CNTNAP5: variants seen among roughly 807,000 people sequenced by gnomAD.
CNTNAP5 encodes contactin-associated protein-like 5.
Under a neutral mutation model 150.2 loss-of-function variants are expected in CNTNAP5, and 72 were observed. That is an observed-to-expected ratio of 0.48 (90% CI 0.40 to 0.58). CNTNAP5 has a LOEUF of 0.58. Ranked by LOEUF, CNTNAP5 falls within the 20% of genes least tolerant of loss-of-function variation. The pLI is 0.00. For synonymous variants in CNTNAP5, 672 were observed against 619.8 expected (o/e 1.08, Z -1.25); for missense variants, 1,636 against 1,626.2 (o/e 1.01, Z -0.10).
chr2:124,411,297 G>C (rs1691755881), intron 3 of CNTNAP5, among the ~76,000 whole-genome samples: 1 of 152,086 alleles, frequency 6.6e-6, no homozygotes, highest in African/African-American at 2.4e-5. Flanking sequence ...TCTATCAGAG[G>C]TACAAGGAGG....
chr2:124,358,450 T>A (rs1264391720), intron 3 of CNTNAP5, among the ~76,000 whole-genome samples: 5 of 152,226 alleles, frequency 3.3e-5, no homozygotes, highest in Non-Finnish European at 5.9e-5. Context: ...GTGTCATAGA[T>A]AGCTCTTATT....
chr2:124,787,722 C>A (rs1681630325), intron 17 of CNTNAP5, among the ~76,000 whole-genome samples: 1 of 152,026 alleles, frequency 6.6e-6, no homozygotes, highest in Admixed American at 6.5e-5. Context: ...TTGGGCCAGT[C>A]TGACTAATGC....
At position 124,800,238 on chromosome 2, in the gene CNTNAP5, G is replaced by T. The variant is rs796453857; in HGVS notation, c.3217+1918G>T. On this transcript the variant is annotated intron_variant, in intron 19 of 23. Coordinates refer to ENST00000682447, the MANE Select transcript of CNTNAP5 (RefSeq NM_001367498.1). The stretch of plus-strand genomic sequence containing the variant: ...AGATGGTTGGTTACAACCAATGCGA[G>T]ATTTTTTCCAAAGCATCTTTTGGGT... Among the ~76,000 whole-genome samples, 103 of 152,308 alleles carry T rather than the reference G, an allele frequency of 6.8e-4. 1 individual carries two copies. Among genetic ancestry groups the T allele is most frequent in the African/African-American group, 2.4e-3 (100 of 41,578 alleles).
chr2:124,764,095 A>G lies in CNTNAP5; in HGVS notation c.2481A>G (p.Gly827=), dbSNP rs765966469. ...TTTTTAAAACCACAGCATTATCCGG[A>G]GTTTTCCTAGAAAATCTTGGCATTA... ...SFFFKTTALS[G]VFLENLGIKD... Residue 827 remains glycine, a synonymous_variant, in exon 16 of 24, where the codon GGA becomes GGG. Transcript: ENST00000682447. 15 of 1,613,002 alleles carry G rather than the reference A, an allele frequency of 9.3e-6. No homozygotes were observed. The South Asian group carries it at 1.4e-4, about 15-fold the overall frequency.
At chr2:124,883,880 A>G (rs1423958796) in intron 21 of CNTNAP5, among the ~76,000 whole-genome samples, 1 of 152,120 alleles carries the variant, frequency 6.6e-6, no homozygotes. Flanking sequence ...GTGTATATAC[A>G]TATGTCTGTG....
intron 3 of CNTNAP5, among the ~76,000 whole-genome samples, chr2:124,378,396 C>T (rs924318838): frequency 2.0e-5 from 3 of 152,030 alleles, no homozygotes; most frequent in Non-Finnish European, 4.4e-5. Context: ...ATTATGAAGG[C>T]GACCATTTTT....
At chr2:124,350,468 T>A (rs2104701676) in intron 3 of CNTNAP5, among the ~76,000 whole-genome samples, 1 of 151,476 alleles carries the variant, frequency 6.6e-6, no homozygotes, top group South Asian at 2.1e-4. Flanking sequence ...TTTTTTTTAA[T>A]CCTTCATTTT....
chr2:124,679,576 T>C (rs981036414), intron 13 of CNTNAP5, among the ~76,000 whole-genome samples: 1 of 151,712 alleles, frequency 6.6e-6, no homozygotes, highest in East Asian at 1.9e-4. Context: ...CATATCTTTT[T>C]TTTTTTTGGA....
chr2:124,332,271 A>C (rs1017584539), intron 3 of CNTNAP5, among the ~76,000 whole-genome samples: 2 of 151,316 alleles, frequency 1.3e-5, no homozygotes, highest in Non-Finnish European at 3.0e-5. Context: ...ATTTAAAATA[A>C]TTTTTCTCAC....
chr2:124,054,145 C>A (rs1573720591), intron 1 of CNTNAP5, among the ~76,000 whole-genome samples: 1 of 152,000 alleles, frequency 6.6e-6, no homozygotes. Flanking sequence ...CAAACAGAGG[C>A]CAAAAAATCC....
chr2:124,910,486 T>G (rs1006692112), intron 22 of CNTNAP5, among the ~76,000 whole-genome samples: 15 of 152,058 alleles, frequency 9.9e-5, no homozygotes, highest in Non-Finnish European at 1.8e-4. Flanking sequence ...AAATGACACC[T>G]GACAGGACTA....
chr2:124,420,772 G>C (rs1162688698), intron 4 of CNTNAP5, among the ~76,000 whole-genome samples: 2 of 152,128 alleles, frequency 1.3e-5, no homozygotes, highest in Non-Finnish European at 2.9e-5. Context: ...CCTTCTTGAT[G>C]GCCCGCCCTA....
At chr2:124,814,126 A>G (rs72847375) in intron 19 of CNTNAP5, among the ~76,000 whole-genome samples, 2 of 150,190 alleles carry the variant, frequency 1.3e-5, no homozygotes, top group African/African-American at 2.5e-5. Flanking sequence ...TTTTTTTATG[A>G]TTCTTACACC....
At chr2:124,737,719 G>C (rs1243696596) in intron 13 of CNTNAP5, among the ~76,000 whole-genome samples, 2 of 152,122 alleles carry the variant, frequency 1.3e-5, no homozygotes, top group Non-Finnish European at 2.9e-5. Flanking sequence ...CAAAAATGGA[G>C]GCAAGCATTT....
At chr2:124,394,678 C>A (rs929788665) in intron 3 of CNTNAP5, among the ~76,000 whole-genome samples, 1 of 152,192 alleles carries the variant, frequency 6.6e-6, no homozygotes, top group Non-Finnish European at 1.5e-5. Context: ...CTCTTATAAA[C>A]CCAGTGTTGT....
intron 1 of CNTNAP5, among the ~76,000 whole-genome samples, chr2:124,066,071 G>A (rs1479169318): frequency 6.6e-6 from 1 of 152,146 alleles, no homozygotes; most frequent in African/African-American, 2.4e-5. Flanking sequence ...CTGCCTGAGT[G>A]CTTAGGTTCA....
intron 3 of CNTNAP5, among the ~76,000 whole-genome samples, chr2:124,415,772 A>G (rs1456602199): frequency 6.6e-6 from 1 of 152,214 alleles, no homozygotes; most frequent in Non-Finnish European, 1.5e-5. Context: ...GGTGATGGTT[A>G]TACGACAACG....
intron 13 of CNTNAP5, among the ~76,000 whole-genome samples, chr2:124,683,043 G>A (rs1044858888): frequency 6.6e-6 from 1 of 152,192 alleles, no homozygotes; most frequent in African/African-American, 2.4e-5. Flanking sequence ...AATGAGTTGT[G>A]TATGTCTTGT....
Position 124,258,468 on chromosome 2 carries a change from A to T in CNTNAP5, c.381+16075A>T, listed in dbSNP as rs1687368548. ...GGATGCATTTGGGTAAAAGAGCTGG[A>T]CAAATGCATGATGACATTACAGTAC... On this transcript the variant is annotated intron_variant, in intron 3 of 23. Coordinates refer to ENST00000682447, the MANE Select transcript of CNTNAP5 (RefSeq NM_001367498.1). Among the ~76,000 whole-genome samples, 14 of 152,202 alleles carry T rather than the reference A, an allele frequency of 9.2e-5. No homozygotes were observed. In the South Asian group the frequency reaches 2.9e-3, roughly 32 times the overall value.
Sources: gnomAD v4.1 joint callset for allele counts (sites outside exome capture counted in the v4.1 genomes callset) on GRCh38, gnomAD v4.1.1 for gene constraint, MANE v1.5 for transcripts, NCBI Gene and HGNC (gene_info 2026-07-23, HGNC 2026-07-21) for gene names.